TENM3: variants seen among roughly 807,000 people sequenced by gnomAD.
TENM3 encodes the protein teneurin transmembrane protein 3, also known as teneurin-3.
In TENM3, 63 loss-of-function variants were observed where a neutral mutation model predicts 255.1. The observed-to-expected ratio is 0.25, with a 90% confidence interval of 0.20 to 0.30. The LOEUF (loss-of-function observed/expected upper bound fraction) is 0.30. TENM3 is among the 10% of genes least tolerant of loss of function. The pLI is 1.00. For synonymous variants in TENM3, 1,306 were observed against 1,322.3 expected (o/e 0.99, Z 0.27); for missense variants, 2,929 against 3,461.1 (o/e 0.85, Z 3.86).
chr4:181,841,270 G>T, the TENM3 span, among the ~76,000 whole-genome samples: 2 of 151,542 alleles, frequency 1.3e-5, no homozygotes, highest in East Asian at 3.9e-4. Flanking sequence ...TAAAATTCAG[G>T]GACAGTAATT....
At chr4:182,491,341 ATACTC>A (rs1735277749) in intron 3 of TENM3, among the ~76,000 whole-genome samples, 1 of 152,060 alleles carries the variant, frequency 6.6e-6, no homozygotes, top group African/African-American at 2.4e-5. Flanking sequence ...TTGTTAAACA[ATACTC>A]TACCTGCTTA....
chr4:181,623,826 T>C, the TENM3 span, among the ~76,000 whole-genome samples: 1 of 152,220 alleles, frequency 6.6e-6, no homozygotes, highest in African/African-American at 2.4e-5. Context: ...TAAGCAATTT[T>C]ATGTTTGAGA....
At chr4:181,798,873 A>AT in the TENM3 span, among the ~76,000 whole-genome samples, 1 of 152,224 alleles carries the variant, frequency 6.6e-6, no homozygotes, top group Non-Finnish European at 1.5e-5. Context: ...TTTATAACAA[A>AT]TGTAACAGTG....
chr4:182,460,865 T>C (rs2151387720), intron 3 of TENM3, among the ~76,000 whole-genome samples: 2 of 152,332 alleles, frequency 1.3e-5, no homozygotes, highest in South Asian at 4.1e-4. Context: ...ATATGTAATA[T>C]TTAACTGCAG....
intron 1 of TENM3, among the ~76,000 whole-genome samples, chr4:182,156,961 G>C (rs1414709697): frequency 6.6e-6 from 1 of 152,172 alleles, no homozygotes; most frequent in Non-Finnish European, 1.5e-5. Context: ...AGTAATTAAA[G>C]TTATTAAGAA....
intron 3 of TENM3, among the ~76,000 whole-genome samples, chr4:182,517,632 C>T (rs549575312): frequency 7.7e-6 from 1 of 130,036 alleles, no homozygotes; most frequent in Non-Finnish European, 1.7e-5. Context: ...ATCCGCCCGC[C>T]TCGGCCTCCC....
chr4:181,507,190 G>A, the TENM3 span, among the ~76,000 whole-genome samples: 1 of 152,138 alleles, frequency 6.6e-6, no homozygotes, highest in South Asian at 2.1e-4. Context: ...TTTCACAACT[G>A]ATTCCCCAGA....
the TENM3 span, among the ~76,000 whole-genome samples, chr4:181,539,234 AG>A: frequency 5.3e-5 from 8 of 152,240 alleles, no homozygotes; most frequent in Admixed American, 2.0e-4. Context: ...GAGTTGAATG[AG>A]CCTATATAAT....
the TENM3 span, among the ~76,000 whole-genome samples, chr4:181,566,995 C>A: frequency 2.0e-5 from 3 of 152,162 alleles, no homozygotes; most frequent in African/African-American, 7.2e-5. Flanking sequence ...TCTGGCCTCC[C>A]AGAGCTTACC....
chr4:181,524,486 G>A, the TENM3 span, among the ~76,000 whole-genome samples: 224 of 152,236 alleles, frequency 1.5e-3, 8 homozygotes, highest in South Asian at 0.042. Context: ...GAGTAAAGAG[G>A]CTATTTGATT....
At chr4:182,336,314 T>C (rs1188905624) in intron 2 of TENM3, among the ~76,000 whole-genome samples, 1 of 151,734 alleles carries the variant, frequency 6.6e-6, no homozygotes, top group Non-Finnish European at 1.5e-5. Flanking sequence ...GAGAACTTTC[T>C]ATATAGTTTT....
the TENM3 span, among the ~76,000 whole-genome samples, chr4:181,902,473 G>C: frequency 6.6e-6 from 1 of 152,144 alleles, no homozygotes; most frequent in Non-Finnish European, 1.5e-5. Flanking sequence ...ACATGCACGC[G>C]TATGTTTATT....
the TENM3 span, among the ~76,000 whole-genome samples, chr4:181,786,603 A>T: frequency 6.6e-6 from 1 of 151,466 alleles, no homozygotes; most frequent in Non-Finnish European, 1.5e-5. Context: ...TGTGTGGGCG[A>T]GGTGAGGACT....
At chr4:182,494,762 C>T (rs1735613657) in intron 3 of TENM3, among the ~76,000 whole-genome samples, 1 of 152,104 alleles carries the variant, frequency 6.6e-6, no homozygotes, top group African/African-American at 2.4e-5. Flanking sequence ...TTGTGTTTTA[C>T]TCGAAGGTAT....
intron 19 of TENM3, among the ~76,000 whole-genome samples, chr4:182,745,758 A>C (rs1315426194): frequency 6.6e-6 from 1 of 152,132 alleles, no homozygotes; most frequent in East Asian, 1.9e-4. Flanking sequence ...GTATGCAAAA[A>C]GCAAGACTTA....
chr4:182,457,544 T>G (rs1773975190), intron 3 of TENM3, among the ~76,000 whole-genome samples: 1 of 138,468 alleles, frequency 7.2e-6, no homozygotes, highest in Non-Finnish European at 1.5e-5. Flanking sequence ...TGCAAATACC[T>G]AAATCATGTA....
chr4:181,456,120 T>C, the TENM3 span, among the ~76,000 whole-genome samples: 382 of 118,152 alleles, frequency 3.2e-3, 2 homozygotes, highest in African/African-American at 0.013. Context: ...TGTGTATATA[T>C]ATATATATGT....
chr4:182,155,513 A>G (rs187430177), intron 1 of TENM3, among the ~76,000 whole-genome samples: 14 of 152,176 alleles, frequency 9.2e-5, no homozygotes, highest in Admixed American at 1.3e-4. Context: ...TATTTAAAAG[A>G]TTATTTTTGT....
chr4:181,540,154 C>A, the TENM3 span, among the ~76,000 whole-genome samples: 1 of 152,184 alleles, frequency 6.6e-6, no homozygotes, highest in East Asian at 1.9e-4. Flanking sequence ...GATGAGAAGA[C>A]CTCAAGGGCC....
Sources: gnomAD v4.1 joint callset for allele counts (sites outside exome capture counted in the v4.1 genomes callset) on GRCh38, gnomAD v4.1.1 for gene constraint, MANE v1.5 for transcripts, NCBI Gene and HGNC (gene_info 2026-07-23, HGNC 2026-07-21) for gene names.